PMF1: variants seen among roughly 807,000 people sequenced by gnomAD.
PMF1 encodes polyamine-modulated factor 1.
PMF1 carries 21 observed loss-of-function variants against 26.7 expected under a neutral mutation model. That is an observed-to-expected ratio of 0.79 (90% CI 0.56 to 1.13). The LOEUF (loss-of-function observed/expected upper bound fraction) is 1.13, where lower values mean the gene tolerates loss of function less well. PMF1 is among the 50% of genes most tolerant of loss of function. PMF1 has a pLI of 0.00. For missense variants in PMF1, 266 were observed against 254.9 expected, an observed-to-expected ratio of 1.04 and a Z score of -0.30; for synonymous variants, 105 against 101.0, an observed-to-expected ratio of 1.04 and a Z score of -0.24.
intron 4 of PMF1, chr1:156,236,786 G>A (rs1659043589): frequency 2.5e-6 from 1 of 407,916 alleles, no homozygotes; most frequent in Admixed American, 3.8e-5. Context: ...CTCCACATCA[G>A]ATTTGGAGTT....
At chr1:156,221,106 C>T (rs958674949) in intron 1 of PMF1, among the ~76,000 whole-genome samples, 2 of 152,186 alleles carry the variant, frequency 1.3e-5, no homozygotes, top group African/African-American at 4.8e-5. Context: ...GTCCTCTTCT[C>T]TTGTCCTTTA....
rs1239408709 is a variant in PMF1 at position 156,236,346 on chromosome 1, C to T, written c.427C>T (p.Gln143Ter). 1.7e-5 allele frequency: 28 copies of T among 1,614,102 alleles called. No homozygotes were observed. Among genetic ancestry groups the T allele is most frequent in the Non-Finnish European group, 2.2e-5 (26 of 1,180,032 alleles). The change falls in exon 4 of 5, where the codon CAG becomes TAG. Residue 143 changes from glutamine to a stop codon, truncating the protein, a stop_gained. Coordinates refer to ENST00000368277, the MANE Select transcript of PMF1 (RefSeq NM_007221.4). LOFTEE classifies it high-confidence loss of function. Reference protein sequence around the residue: ...LHSVMAPYFLQQRDTLRRHVQ... With the variant: ...LHSVMAPYFL ...CAGTGTTATGGCACCCTACTTCCTG[C>T]AGCAACGGGACACCCTGCGGCGCCA...
intron 1 of PMF1, among the ~76,000 whole-genome samples, chr1:156,216,372 C>G (rs1184885040): frequency 6.6e-6 from 1 of 152,140 alleles, no homozygotes; most frequent in Non-Finnish European, 1.5e-5. Context: ...GCCTGGGCAA[C>G]AGAGTGAGAC....
chr1:156,230,910 A>G (rs1658660196), intron 1 of PMF1, among the ~76,000 whole-genome samples: 1 of 151,788 alleles, frequency 6.6e-6, no homozygotes, highest in South Asian at 2.1e-4. Flanking sequence ...ACAAAAAAAT[A>G]AAAATAAAAG....
At chr1:156,230,614 G>A (rs971795742) in intron 1 of PMF1, among the ~76,000 whole-genome samples, 23 of 152,162 alleles carry the variant, frequency 1.5e-4, no homozygotes, top group Non-Finnish European at 2.4e-4. Context: ...ACAAAGGGGA[G>A]GGAGAAAAAC....
At position 156,225,622 on chromosome 1, in the gene PMF1, A is replaced by C. The variant is rs774734052; in HGVS notation, c.162-6698A>C. The C allele has an allele frequency of 3.8e-6, 6 of 1,564,376 alleles. No homozygotes were observed. In the African/African-American group the frequency reaches 8.1e-5, roughly 21 times the overall value. ...CTGCCCTCTGGTGGACAGTCTGTGAAACAGGCCTTCAGTTGGGCGGCGTGC... is the reference window on the plus strand; with the variant it reads ...CTGCCCTCTGGTGGACAGTCTGTGACACAGGCCTTCAGTTGGGCGGCGTGC... On this transcript the variant is annotated intron_variant, in intron 1 of 4. Coordinates refer to ENST00000368277, the MANE Select transcript of PMF1 (RefSeq NM_007221.4).
chr1:156,239,901 C>T lies in PMF1; in HGVS notation c.*300C>T, dbSNP rs1659250504. 1.1e-5 allele frequency: 4 copies of T among 379,466 alleles called. No individual in the cohort carries two copies. The highest frequency in any genetic ancestry group is 5.0e-5 in the South Asian group (1 of 20,020). 23.5% of individuals were successfully genotyped at this position (379,466 alleles called of 1,614,324 possible). On this transcript the variant is annotated 3_prime_UTR_variant, in exon 5 of 5. Coordinates refer to ENST00000368277, the MANE Select transcript of PMF1 (RefSeq NM_007221.4). ...GCTCTGCCCCTCCGCCCCCCTCCTG[C>T]TGGTTCCCCAGCCCTTTTCCCTGGC...
chr1:156,218,057 T>C (rs937854188), intron 1 of PMF1, among the ~76,000 whole-genome samples: 2 of 152,220 alleles, frequency 1.3e-5, no homozygotes, highest in Non-Finnish European at 2.9e-5. Flanking sequence ...ATTCTAATAT[T>C]TGTCATTCTG....
At chr1:156,233,879 G>A in intron 3 of PMF1, 151 bp downstream of exon 3, 1 of 703,436 alleles carries the variant, frequency 1.4e-6, no homozygotes, top group Non-Finnish European at 2.3e-6. Context: ...ACCTCCCAAA[G>A]TGCTGGGATT....
intron 4 of PMF1, among the ~76,000 whole-genome samples, chr1:156,238,880 AG>A (rs1659188610): frequency 1.6e-5 from 1 of 62,470 alleles, no homozygotes; most frequent in Non-Finnish European, 2.9e-5. Flanking sequence ...GTGGTGACAA[AG>A]GCCCCCCCCC....
chr1:156,239,675 G>C lies in PMF1; in HGVS notation c.*74G>C. 2 of 1,286,248 alleles carry C rather than the reference G, an allele frequency of 1.6e-6. No individual in the cohort carries two copies. Among genetic ancestry groups the C allele is most frequent in the South Asian group, 2.4e-5 (2 of 82,970 alleles). 79.7% of individuals were successfully genotyped at this position (1,286,248 alleles called of 1,614,324 possible). A position where few individuals can be genotyped will look rare whatever the true frequency, so the allele number is the denominator to read the frequency against. Reference sequence around the variant, plus strand: ...TGGTCCAGCATGCCTGGCCTGGGCGGGCTACCTCTGAGAACGGCTGAAATG... The same window carrying C: ...TGGTCCAGCATGCCTGGCCTGGGCGCGCTACCTCTGAGAACGGCTGAAATG... On this transcript the variant is annotated 3_prime_UTR_variant, in exon 5 of 5. Coordinates refer to ENST00000368277, the MANE Select transcript of PMF1 (RefSeq NM_007221.4).
intron 1 of PMF1, among the ~76,000 whole-genome samples, chr1:156,228,668 G>A (rs938624380): frequency 8.6e-5 from 13 of 152,018 alleles, no homozygotes; most frequent in South Asian, 8.3e-4. Context: ...CAGACCCTCC[G>A]CCTGCTGAGT....
chr1:156,231,554 T>A (rs988698419), intron 1 of PMF1, among the ~76,000 whole-genome samples: 1 of 151,612 alleles, frequency 6.6e-6, no homozygotes, highest in Non-Finnish European at 1.5e-5. Context: ...AATACAAAAA[T>A]TAGCCAGGCG....
intron 1 of PMF1, among the ~76,000 whole-genome samples, chr1:156,224,900 A>ATT (rs34315812): frequency 7.4e-5 from 11 of 148,738 alleles, no homozygotes; most frequent in East Asian, 5.9e-4. Context: ...CAAATGGAGA[A>ATT]TTTTTTTTTT....
Position 156,239,723 on chromosome 1 carries a change from T to C in PMF1, c.*122T>C. ...ATGGTGCCCAGTCCATCAGCAGTGA[T>C]GGAATTTGCTGGAGGACTAGGCCAG... On this transcript the variant is annotated 3_prime_UTR_variant, in exon 5 of 5. Coordinates refer to ENST00000368277, the MANE Select transcript of PMF1 (RefSeq NM_007221.4). 2.6e-6 allele frequency: 2 copies of C among 778,044 alleles called. No individual in the cohort carries two copies. The highest frequency in any genetic ancestry group is 4.4e-6 in the Non-Finnish European group (2 of 455,532). 48.2% of individuals were successfully genotyped at this position (778,044 alleles called of 1,614,324 possible). A position where few individuals can be genotyped will look rare whatever the true frequency, so the allele number is the denominator to read the frequency against.
intron 4 of PMF1, among the ~76,000 whole-genome samples, chr1:156,237,444 G>GT (rs1361219290): frequency 1.0e-5 from 1 of 96,564 alleles, no homozygotes; most frequent in Non-Finnish European, 2.3e-5. Flanking sequence ...GTTATTTTTT[G>GT]TCTTTTTTTT....
chr1:156,214,225 A>G (rs965414671), intron 1 of PMF1, among the ~76,000 whole-genome samples: 1 of 152,068 alleles, frequency 6.6e-6, no homozygotes, highest in Non-Finnish European at 1.5e-5. Flanking sequence ...TCACTTTTAT[A>G]TAATTTATAT....
At chr1:156,233,777 T>G in intron 3 of PMF1, 49 bp downstream of exon 3, 1 of 1,513,564 alleles carries the variant, frequency 6.6e-7, no homozygotes, top group Non-Finnish European at 9.0e-7. Context: ...AGGCAGCAAT[T>G]AAGCTTTTTT....
chr1:156,216,174 T>A (rs1329986942), intron 1 of PMF1, among the ~76,000 whole-genome samples: 3 of 151,602 alleles, frequency 2.0e-5, no homozygotes, highest in African/African-American at 7.3e-5. Flanking sequence ...GTGGATCACT[T>A]GAGGTCAGAA....
Sources: gnomAD v4.1 joint callset for allele counts (sites outside exome capture counted in the v4.1 genomes callset) on GRCh38, gnomAD v4.1.1 for gene constraint, MANE v1.5 for transcripts, NCBI Gene and HGNC (gene_info 2026-07-23, HGNC 2026-07-21) for gene names.